AVEN: variants seen among roughly 807,000 people sequenced by gnomAD.
The protein encoded by AVEN is apoptosis and caspase activation inhibitor, also known as cell death regulator Aven.
In AVEN, 41 loss-of-function variants were observed where a neutral mutation model predicts 38.1. The ratio of observed to expected loss-of-function variants is 1.08; its 90% CI spans 0.84 to 1.40. The LOEUF (loss-of-function observed/expected upper bound fraction) is 1.40. Ranked by LOEUF, AVEN falls within the 40% of genes most tolerant of loss-of-function variation. The pLI is 0.00. For synonymous variants in AVEN, 206 were observed against 171.8 expected, an observed-to-expected ratio of 1.20 and a Z score of -1.56; for missense variants, 605 against 438.8, an observed-to-expected ratio of 1.38 and a Z score of -3.38.
intron 3 of AVEN, 80 bp downstream of exon 3, chr15:33,875,843 ACT>A (rs1891200707): frequency 7.7e-7 from 1 of 1,295,080 alleles, no homozygotes; most frequent in African/African-American, 1.5e-5. Context: ...CTACATGAAG[ACT>A]CTATCTCAAG....
intron 2 of AVEN, among the ~76,000 whole-genome samples, chr15:33,918,701 C>T (rs112420239): frequency 0.021 from 3,155 of 151,948 alleles, 113 homozygotes; most frequent in African/African-American, 0.071. Context: ...GTGATCTGCC[C>T]GCCTCAGCCT....
downstream of AVEN, among the ~76,000 whole-genome samples, chr15:33,857,409 G>A (rs191156330): frequency 5.3e-5 from 7 of 132,308 alleles, no homozygotes; most frequent in East Asian, 9.7e-4. Flanking sequence ...GATTGGTTGC[G>A]GGCCCATCTT....
intron 1 of AVEN, among the ~76,000 whole-genome samples, chr15:34,027,566 C>T (rs1355992139): frequency 2.0e-5 from 3 of 150,562 alleles, no homozygotes; most frequent in Non-Finnish European, 4.4e-5. Context: ...AGCCTCACAA[C>T]TATGGTAACT....
chr15:33,858,016 T>C, downstream of AVEN: 1 of 1,457,010 alleles, frequency 6.9e-7, no homozygotes, highest in African/African-American at 1.4e-5. Flanking sequence ...TCTTGAGAAC[T>C]GTAGAGTTAG....
the AVEN span, chr15:33,853,036 G>T: frequency 6.2e-7 from 1 of 1,602,056 alleles, no homozygotes; most frequent in Admixed American, 1.7e-5. Context: ...TTTTCGTTTT[G>T]TTTTTCAGAT....
chr15:33,957,790 A>G (rs916709254), intron 2 of AVEN, among the ~76,000 whole-genome samples: 4 of 152,108 alleles, frequency 2.6e-5, no homozygotes, highest in Non-Finnish European at 4.4e-5. Flanking sequence ...GGAATAGGCA[A>G]ACTAATCACA....
chr15:33,961,693 G>C (rs1230416748), intron 2 of AVEN, among the ~76,000 whole-genome samples: 2 of 150,976 alleles, frequency 1.3e-5, no homozygotes, highest in East Asian at 2.0e-4. Context: ...GGCACCTGTA[G>C]TCCCAGCTAC....
At chr15:34,051,304 G>GA (rs34958240) in intron 5 of AVEN, among the ~76,000 whole-genome samples, 119,431 of 152,034 alleles carry the variant, frequency 0.79, 47,195 homozygotes, top group East Asian at 1. Context: ...CTGAAACAAA[G>GA]GACAAAGTAC....
chr15:34,070,553 G>A (rs1045112449), intron 2 of AVEN, among the ~76,000 whole-genome samples: 4 of 151,722 alleles, frequency 2.6e-5, no homozygotes, highest in Non-Finnish European at 5.9e-5. Context: ...CACTCCTCTG[G>A]CCCTCAGTCT....
At chr15:33,959,174 C>T (rs1054563787) in intron 2 of AVEN, among the ~76,000 whole-genome samples, 7 of 152,256 alleles carry the variant, frequency 4.6e-5, no homozygotes, top group Non-Finnish European at 8.8e-5. Context: ...GAAACATCAC[C>T]TCATTTGTGA....
intron 1 of AVEN, among the ~76,000 whole-genome samples, chr15:34,007,975 A>C (rs1056172081): frequency 6.6e-6 from 1 of 152,214 alleles, no homozygotes. Flanking sequence ...GGCCTACCTT[A>C]ATCAAGTAAG....
chr15:33,890,796 G>A (rs1036972864), intron 2 of AVEN, among the ~76,000 whole-genome samples: 4 of 152,114 alleles, frequency 2.6e-5, no homozygotes, highest in Non-Finnish European at 5.9e-5. Flanking sequence ...ACTAGCTGAT[G>A]AGCTATGAAC....
intron 2 of AVEN, among the ~76,000 whole-genome samples, chr15:33,934,640 G>T (rs1159839660): frequency 6.6e-6 from 1 of 152,190 alleles, no homozygotes; most frequent in Non-Finnish European, 1.5e-5. Context: ...CTAAGTGGTA[G>T]ATGAGGACTA....
intron 2 of AVEN, among the ~76,000 whole-genome samples, chr15:33,947,368 C>A (rs1027229528): frequency 3.3e-5 from 5 of 152,028 alleles, no homozygotes; most frequent in African/African-American, 9.7e-5. Context: ...TAAACCCCAA[C>A]CAATGAATAG....
chr15:33,862,996 T>C (rs1057328427), downstream of AVEN, among the ~76,000 whole-genome samples: 3 of 152,196 alleles, frequency 2.0e-5, no homozygotes, highest in African/African-American at 7.2e-5. Context: ...ATTAAGAGAA[T>C]ATACATCTTA....
At position 33,937,604 on chromosome 15, in the gene AVEN, C is replaced by A. The variant is rs192687393; in HGVS notation, c.446-61609G>T. On this transcript the variant is annotated intron_variant, in intron 2 of 5. Coordinates refer to ENST00000306730, the MANE Select transcript of AVEN (RefSeq NM_020371.3). ...AAATTTATATGTTGAAGCCCTAACC[C>A]CCCAATGTGATAGTATTTAGACATG... 5.9e-5 allele frequency among the ~76,000 whole-genome samples: 9 copies of A among 152,070 alleles called. No individual in the cohort carries two copies. The East Asian group carries it at 1.2e-3, about 20-fold the overall frequency.
intron 11 of AVEN, among the ~76,000 whole-genome samples, chr15:33,860,379 T>G (rs1887730804): frequency 6.6e-6 from 1 of 152,166 alleles, no homozygotes; most frequent in Admixed American, 6.5e-5. Context: ...AGCAAGTAGT[T>G]AACAGCACTG....
At chr15:34,043,377 C>T (rs2140809675), upstream of AVEN, among the ~76,000 whole-genome samples, 1 of 152,262 alleles carries the variant, frequency 6.6e-6, no homozygotes. Context: ...GTACCTCTTC[C>T]TGATTCTTCT....
At chr15:34,001,560 T>C (rs1897139307) in intron 2 of AVEN, among the ~76,000 whole-genome samples, 1 of 152,182 alleles carries the variant, frequency 6.6e-6, no homozygotes, top group Non-Finnish European at 1.5e-5. Flanking sequence ...AAAGTGCTTA[T>C]AAACCCATAA....
Sources: allele counts gnomAD v4.1 joint callset (sites outside exome capture counted in the v4.1 genomes callset), GRCh38; gene constraint gnomAD v4.1.1; transcripts MANE v1.5; gene names NCBI Gene and HGNC (gene_info 2026-07-23, HGNC 2026-07-21).